SLC35D4: variants seen among roughly 807,000 people sequenced by gnomAD.
SLC35D4 encodes UDP-N-acetylglucosamine transporter SLC35D4.
the SLC35D4 span, among the ~76,000 whole-genome samples, chr18:23,391,356 A>G: frequency 6.6e-5 from 10 of 152,334 alleles, no homozygotes; most frequent in East Asian, 1.9e-3. Context: ...CCTACTGAAC[A>G]GTGCTGTGTC....
chr18:23,339,068 T>G, the SLC35D4 span, among the ~76,000 whole-genome samples: 1 of 152,116 alleles, frequency 6.6e-6, no homozygotes, highest in Non-Finnish European at 1.5e-5. Flanking sequence ...AAAAAAAACT[T>G]TTTGTAGAAA....
At chr18:23,394,650 T>C in the SLC35D4 span, among the ~76,000 whole-genome samples, 1 of 152,122 alleles carries the variant, frequency 6.6e-6, no homozygotes, top group Non-Finnish European at 1.5e-5. Context: ...TCATGAAGCT[T>C]TTCCCCCAGG....
chr18:23,262,833 G>C, the SLC35D4 span, among the ~76,000 whole-genome samples: 1 of 152,356 alleles, frequency 6.6e-6, no homozygotes, highest in African/African-American at 2.4e-5. Context: ...CAAGAAACCA[G>C]AACTGACAAG....
chr18:23,354,276 C>T, the SLC35D4 span, among the ~76,000 whole-genome samples: 38 of 140,472 alleles, frequency 2.7e-4, 1 homozygote, highest in Middle Eastern at 4.3e-3. Context: ...CCGAGGCGGG[C>T]GGATCACGAG....
At chr18:23,401,831 G>A in the SLC35D4 span, among the ~76,000 whole-genome samples, 1 of 152,182 alleles carries the variant, frequency 6.6e-6, no homozygotes, top group African/African-American at 2.4e-5. Context: ...ATGGATGTGA[G>A]GAAAAGAAAA....
chr18:23,422,810 C>A, the SLC35D4 span, among the ~76,000 whole-genome samples: 15 of 17,396 alleles, frequency 8.6e-4, no homozygotes, highest in Admixed American at 4.2e-3. Flanking sequence ...GTCACAAACA[C>A]CCCTCCCCCC....
the SLC35D4 span, among the ~76,000 whole-genome samples, chr18:23,411,135 A>AGAAG: frequency 1.8e-4 from 27 of 146,548 alleles, no homozygotes; most frequent in East Asian, 1.5e-3. Context: ...TACAGAAGAA[A>AGAAG]GAAGGAAGGA....
the SLC35D4 span, among the ~76,000 whole-genome samples, chr18:23,314,497 T>C: frequency 6.6e-6 from 1 of 152,158 alleles, no homozygotes; most frequent in Non-Finnish European, 1.5e-5. Flanking sequence ...CCACCTTCAA[T>C]GAGATAATAT....
the SLC35D4 span, chr18:23,399,446 G>A: frequency 3.4e-6 from 3 of 880,036 alleles, no homozygotes; most frequent in South Asian, 5.2e-5. Flanking sequence ...GGGAGTAATA[G>A]GTCCCATTAT....
the SLC35D4 span, among the ~76,000 whole-genome samples, chr18:23,326,085 C>A: frequency 6.6e-6 from 1 of 152,184 alleles, no homozygotes; most frequent in African/African-American, 2.4e-5. Flanking sequence ...GCTGGGGGAC[C>A]AGCAATATGC....
At chr18:23,368,037 C>A in the SLC35D4 span, among the ~76,000 whole-genome samples, 1 of 152,108 alleles carries the variant, frequency 6.6e-6, no homozygotes, top group Admixed American at 6.6e-5. Flanking sequence ...AGTCCACATA[C>A]CATATTTAAA....
chr18:23,429,033 C>G, the SLC35D4 span, among the ~76,000 whole-genome samples: 267 of 152,294 alleles, frequency 1.8e-3, 2 homozygotes, highest in Admixed American at 2.5e-3. Context: ...CTCTTTTTTA[C>G]GGCTGCATAG....
the SLC35D4 span, among the ~76,000 whole-genome samples, chr18:23,242,627 G>GT: frequency 2.0e-5 from 3 of 152,152 alleles, no homozygotes. Flanking sequence ...ACAAAATTCA[G>GT]TTACCTGAAT....
chr18:23,359,344 A>T, the SLC35D4 span, among the ~76,000 whole-genome samples: 1 of 148,852 alleles, frequency 6.7e-6, no homozygotes, highest in African/African-American at 2.5e-5. Flanking sequence ...AGATTGTCCC[A>T]CTGCACTCCA....
At chr18:23,382,793 G>A in the SLC35D4 span, among the ~76,000 whole-genome samples, 13 of 152,196 alleles carry the variant, frequency 8.5e-5, no homozygotes, top group African/African-American at 2.7e-4. Flanking sequence ...AGCTTTGGCC[G>A]TGGGACTGCC....
chr18:23,394,850 G>A, the SLC35D4 span, among the ~76,000 whole-genome samples: 2 of 151,918 alleles, frequency 1.3e-5, no homozygotes, highest in African/African-American at 4.8e-5. Context: ...AGGCGTGGTG[G>A]TGCATGCCTG....
At chr18:23,257,172 A>G in the SLC35D4 span, 6 of 1,593,242 alleles carry the variant, frequency 3.8e-6, no homozygotes, top group Non-Finnish European at 5.1e-6. Context: ...AATTGCAGAA[A>G]GACTAGGATT....
At chr18:23,353,080 T>A in the SLC35D4 span, among the ~76,000 whole-genome samples, 2 of 105,648 alleles carry the variant, frequency 1.9e-5, no homozygotes, top group Admixed American at 8.6e-5. Context: ...ACAGACAGTG[T>A]GTGTGTGTGT....
the SLC35D4 span, among the ~76,000 whole-genome samples, chr18:23,311,338 C>G: frequency 6.6e-6 from 1 of 151,564 alleles, no homozygotes; most frequent in African/African-American, 2.4e-5. Flanking sequence ...GCAATCCCAC[C>G]CGCCTTGGCC....
Sources: allele counts gnomAD v4.1 joint callset (sites outside exome capture counted in the v4.1 genomes callset), GRCh38; gene constraint gnomAD v4.1.1; transcripts MANE v1.5; gene names NCBI Gene and HGNC (gene_info 2026-07-23, HGNC 2026-07-21).